SMARCA1: variants seen among roughly 807,000 people sequenced by gnomAD.
SMARCA1 encodes SNF2 related chromatin remodeling ATPase 1.
SMARCA1 carries 17 observed loss-of-function variants against 93.6 expected under a neutral mutation model. That is an observed-to-expected ratio of 0.18 (90% CI 0.12 to 0.27). SMARCA1 has a LOEUF of 0.27. Ranked by LOEUF, SMARCA1 falls within the 10% of genes least tolerant of loss-of-function variation. The pLI is 1.00. For missense variants in SMARCA1, 630 were observed against 819.0 expected, an observed-to-expected ratio of 0.77 and a Z score of 2.82; for synonymous variants, 271 against 271.4, an observed-to-expected ratio of 1.00 and a Z score of 0.01.
chrX:129,494,496 T>G (rs1388893880), intron 12 of SMARCA1, among the ~76,000 whole-genome samples: 1 of 111,519 alleles, frequency 9.0e-6, no homozygotes, highest in African/African-American at 3.3e-5. Context: ...TCTGTGTGCT[T>G]GCTGTGAACA....
chrX:129,465,698 C>T lies in SMARCA1; in HGVS notation c.2852G>A (p.Arg951His), dbSNP rs753758218. ...ARYKAPFHQLRIQYGTSKGKN... is the reference protein window; with the variant it reads ...ARYKAPFHQLHIQYGTSKGKN... ...TCCTTTGCTGGTTCCATACTGAATG[C>T]GCAACTGATGAAATGGAGCCTTGTA... The change falls in exon 23 of 25, where the codon CGC becomes CAC. Residue 951 changes from arginine (R) to histidine (H), a missense_variant. Physicochemically the swap from Arg to His is conservative, Grantham distance 29. This residue lies in a region of SMARCA1 where 93 missense variants were observed against 160.8 expected (regional missense o/e 0.58). Coordinates refer to ENST00000371121, the MANE Select transcript of SMARCA1 (RefSeq NM_001282874.2). 18 of 1,183,653 alleles carry T rather than the reference C, an allele frequency of 1.5e-5. No individual in the cohort carries two copies. Among genetic ancestry groups the T allele is most frequent in the Non-Finnish European group, 2.0e-5 (18 of 881,863 alleles).
intron 19 of SMARCA1, among the ~76,000 whole-genome samples, chrX:129,477,866 T>A (rs1040085199): frequency 9.2e-6 from 1 of 109,220 alleles, no homozygotes; most frequent in Non-Finnish European, 1.9e-5. Flanking sequence ...CTCATTAATA[T>A]GACCTACAAA....
At position 129,502,767 on chromosome X, in the gene SMARCA1, G is replaced by A. The variant is rs189535329; in HGVS notation, c.1167+1967C>T. 7.2e-5 allele frequency among the ~76,000 whole-genome samples: 8 copies of A among 111,857 alleles called. No individual in the cohort carries two copies. In the East Asian group the frequency reaches 2.2e-3, roughly 31 times the overall value. On this transcript the variant is annotated intron_variant, in intron 9 of 24. Transcript: ENST00000371121. ...GTTTGGATTTGGAATTAATAAGGGA[G>A]ACACCTGAGCATGTTTACACTTAGG...
Position 129,507,995 on chromosome X carries a change from G to A in SMARCA1, c.912C>T (p.His304=). ...IKEKSVFKKF[H]WRYLVIDEAH... Reference sequence around the variant, plus strand: ...CTTCATCAATGACCAGGTATCGCCAGTGAAACTTTTTGAATACAGATTTTT... The same window carrying A: ...CTTCATCAATGACCAGGTATCGCCAATGAAACTTTTTGAATACAGATTTTT... The change falls in exon 7 of 25, where the codon CAC becomes CAT. Residue 304 remains histidine, a synonymous_variant. Transcript: ENST00000371121. 8.4e-7 allele frequency: 1 copy of A among 1,184,885 alleles called. No individual in the cohort carries two copies. The highest frequency in any genetic ancestry group is 1.9e-5 in the South Asian group (1 of 53,305).
At chrX:129,512,741 G>A (rs985103456) in intron 5 of SMARCA1, among the ~76,000 whole-genome samples, 1 of 111,433 alleles carries the variant, frequency 9.0e-6, no homozygotes, top group Non-Finnish European at 1.9e-5. Context: ...CACTTAATGA[G>A]ACAACTTTTA....
At chrX:129,448,966 GCACACACACACA>G (rs34806802) in intron 23 of SMARCA1, among the ~76,000 whole-genome samples, 2 of 102,663 alleles carry the variant, frequency 1.9e-5, no homozygotes, top group South Asian at 4.3e-4. Context: ...GCATTGAACT[GCACACACACACA>G]CACACACACA....
chrX:129,515,773 G>A lies in SMARCA1; in HGVS notation c.544C>T (p.Pro182Ser). 2 of 1,197,165 alleles carry A rather than the reference G, an allele frequency of 1.7e-6. No homozygotes were observed. Among genetic ancestry groups the A allele is most frequent in the Admixed American group, 2.2e-5 (1 of 45,924 alleles). The change falls in exon 5 of 25, where the codon CCA becomes TCA. Residue 182 changes from proline (P) to serine (S), a missense_variant. Physicochemically the swap from Pro to Ser is moderately conservative, Grantham distance 74. Transcript: ENST00000371121. The part of the protein sequence containing the change: ...EVSPSYVKGG[P>S]LRDYQIRGLN... Reference sequence around the variant, plus strand: ...CCTCGAATCTGATAATCTCTCAGTGGCCCCCCTTTCACATCTGGTGAAAAA... The same window carrying A: ...CCTCGAATCTGATAATCTCTCAGTGACCCCCCTTTCACATCTGGTGAAAAA...
intron 1 of SMARCA1, among the ~76,000 whole-genome samples, chrX:129,521,681 C>T (rs1207868089): frequency 1.8e-5 from 2 of 112,199 alleles, no homozygotes; most frequent in Non-Finnish European, 3.8e-5. Flanking sequence ...TTTGCCCAGT[C>T]CAGGGAATAA....
At chrX:129,499,051 T>A (rs188786729) in intron 10 of SMARCA1, among the ~76,000 whole-genome samples, 1 of 110,965 alleles carries the variant, frequency 9.0e-6, no homozygotes, top group Non-Finnish European at 1.9e-5. Flanking sequence ...AATGCTTTTT[T>A]TTTTGAGACA....
intron 21 of SMARCA1, among the ~76,000 whole-genome samples, chrX:129,466,253 T>C (rs1012680314): frequency 5.4e-5 from 6 of 111,781 alleles, no homozygotes; most frequent in Non-Finnish European, 1.1e-4. Context: ...ATGCAGATAC[T>C]GATTTAAGCT....
intron 23 of SMARCA1, among the ~76,000 whole-genome samples, chrX:129,453,015 C>T (rs893232994): frequency 9.0e-6 from 1 of 111,349 alleles, no homozygotes; most frequent in Non-Finnish European, 1.9e-5. Context: ...TTGTGAGGTA[C>T]CACGAATCAC....
chrX:129,461,472 C>A (rs1932804989), intron 23 of SMARCA1, among the ~76,000 whole-genome samples: 2 of 111,619 alleles, frequency 1.8e-5, no homozygotes, highest in African/African-American at 6.5e-5. Context: ...ATCTTTTGGA[C>A]TTCTTAGATT....
intron 15 of SMARCA1, 133 bp from the exon 16 acceptor site, chrX:129,489,218 GTTAT>G: frequency 2.7e-6 from 1 of 369,882 alleles, no homozygotes; most frequent in Non-Finnish European, 4.6e-6. Context: ...GAGCATTAAG[GTTAT>G]TTGTTTAATA....
chrX:129,468,758 A>G lies in SMARCA1; in HGVS notation c.2698+15T>C. The G allele has an allele frequency of 8.8e-7, 1 of 1,135,368 alleles. No homozygotes were observed. 93.6% of individuals were successfully genotyped at this position (1,135,368 alleles called of 1,213,427 possible). ...ACGTTAAAATACAACACCATGTTTC[A>G]AATTATATACAAACCTGAATACTCC... On this transcript the variant is annotated intron_variant, in intron 21 of 24. Transcript: ENST00000371121.
intron 23 of SMARCA1, among the ~76,000 whole-genome samples, chrX:129,450,999 G>C (rs1483388769): frequency 9.0e-6 from 1 of 111,639 alleles, no homozygotes; most frequent in Non-Finnish European, 1.9e-5. Context: ...CCCAAAAGGA[G>C]GCAGAAAACC....
chrX:129,495,528 T>A (rs774733003), intron 12 of SMARCA1, among the ~76,000 whole-genome samples: 34 of 110,647 alleles, frequency 3.1e-4, no homozygotes, highest in Non-Finnish European at 6.1e-4. Flanking sequence ...ACTAATGCTT[T>A]TTTAAATTTT....
chrX:129,496,985 G>A (rs1329308742), intron 11 of SMARCA1, 114 bp from the exon 12 acceptor site: 13 of 530,176 alleles, frequency 2.5e-5, no homozygotes, highest in African/African-American at 5.0e-5. Flanking sequence ...CTCCACTAAC[G>A]CACACACACA....
At chrX:129,517,475 G>C (rs970182272) in intron 2 of SMARCA1, among the ~76,000 whole-genome samples, 1 of 111,031 alleles carries the variant, frequency 9.0e-6, no homozygotes, top group Non-Finnish European at 1.9e-5. Flanking sequence ...ATAAGAGTTA[G>C]ATAAATTCAG....
At position 129,471,310 on chromosome X, in the gene SMARCA1, T is replaced by C; in HGVS notation, c.2459A>G (p.Asp820Gly). Residue 820 changes from aspartate to glycine, a missense_variant, in exon 20 of 25, where the codon GAT (aspartate) becomes GGT (glycine). Coordinates refer to ENST00000371121, the MANE Select transcript of SMARCA1 (RefSeq NM_001282874.2). ...TTGAGCCAGAGCTGGATTTGGGATA[T>C]CAGGATTCCTTGGAACCTATAAATC... ...TIGYKVPRNP[D>G]IPNPALAQRE... 1 of 1,197,197 alleles carries C rather than the reference T, an allele frequency of 8.4e-7. No homozygotes were observed. Among genetic ancestry groups the C allele is most frequent in the African/African-American group, 1.7e-5 (1 of 57,354 alleles).
Sources: gnomAD v4.1 joint callset for allele counts (sites outside exome capture counted in the v4.1 genomes callset) on GRCh38, gnomAD v4.1.1 for gene constraint, gnomAD v4.1.1 regional missense constraint, MANE v1.5 for transcripts, NCBI Gene and HGNC (gene_info 2026-07-23, HGNC 2026-07-21) for gene names.